The following KLC4 variants were observed in gnomAD, a reference collection of about 807,000 sequenced individuals.
KLC4 encodes kinesin-like protein 8.
In KLC4, 49 loss-of-function variants were observed where a neutral mutation model predicts 77.2. The ratio of observed to expected loss-of-function variants is 0.63; its 90% CI spans 0.50 to 0.80. The LOEUF (loss-of-function observed/expected upper bound fraction) is 0.80, where lower values mean the gene tolerates loss of function less well. Among genes scored for constraint, KLC4 ranks in the 30% least tolerant of loss-of-function variants. KLC4 has a pLI of 0.00. For synonymous variants in KLC4, 274 were observed against 314.5 expected (o/e 0.87, Z 1.36); for missense variants, 669 against 793.5 (o/e 0.84, Z 1.89).
chr6:43,059,852 T>G (rs371929554), intron 1 of KLC4, 167 bp downstream of exon 1: 3 of 1,187,522 alleles, frequency 2.5e-6, no homozygotes, highest in South Asian at 2.3e-5. Flanking sequence ...TCCAGACAGA[T>G]AGACAGACGA....
chr6:43,061,426 C>T lies in KLC4; in HGVS notation c.91C>T (p.Gln31Ter), dbSNP rs1421462761. The change falls in exon 2 of 16, where the codon CAA becomes TAA. Residue 31 changes from glutamine to a stop codon, truncating the protein, a stop_gained. Coordinates refer to ENST00000347162, the MANE Select transcript of KLC4 (RefSeq NM_201521.3). LOFTEE classifies it high-confidence loss of function. ...EILGSTRLVS[Q>*]GLEALRSEHQ... The stretch of plus-strand genomic sequence containing the variant: ...CCTGGGGAGCACACGGCTGGTCAGC[C>T]AAGGGCTAGAGGCCCTACGCAGTGA... The T allele has an allele frequency of 3.7e-6, 6 of 1,614,154 alleles. No individual in the cohort carries two copies. The East Asian group carries it at 1.1e-4, about 30-fold the overall frequency.
rs748810038 is a variant in KLC4, at chr6:43,072,879, G to A, written c.1544G>A (p.Gly515Asp). The part of the protein sequence containing the change: ...KVAELLGESD[G>D]RRTSQEGPGD... Reference sequence around the variant, plus strand: ...GCAGAGCTGCTTGGGGAGAGTGATGGTAGAAGGACCTCCCAGGAGGGCCCT... The same window carrying A: ...GCAGAGCTGCTTGGGGAGAGTGATGATAGAAGGACCTCCCAGGAGGGCCCT... Residue 515 changes from glycine (G) to aspartate (D), a missense_variant, in exon 13 of 16, where the codon GGT becomes GAT. Coordinates refer to ENST00000347162, the MANE Select transcript of KLC4 (RefSeq NM_201521.3). 6.2e-7 allele frequency: 1 copy of A among 1,613,564 alleles called. No homozygotes were observed. The highest frequency in any genetic ancestry group is 8.5e-7 in the Non-Finnish European group (1 of 1,179,722).
At chr6:43,069,325 A>G (rs745484138) in intron 6 of KLC4, among the ~76,000 whole-genome samples, 1 of 152,136 alleles carries the variant, frequency 6.6e-6, no homozygotes, top group African/African-American at 2.4e-5. Flanking sequence ...GTTCACTGTA[A>G]TCTCTGCCTC....
At position 43,070,694 on chromosome 6, in the gene KLC4, C is replaced by T. The variant is rs1254479866; in HGVS notation, c.984C>T (p.Val328=). The change falls in exon 8 of 16, where the codon GTC becomes GTT. Residue 328 remains valine, a splice_region_variant and synonymous_variant. Transcript: ENST00000347162. ...CQRALEIREK[V]LGTNHPDVAK... is the part of the protein sequence containing the mutation. ...TCCACTCCTTTGTTCCCTTTCAGGT[C>T]CTGGGCACGAATCATCCAGATGTGG... 1.2e-6 allele frequency: 2 copies of T among 1,611,158 alleles called. No individual in the cohort carries two copies. Among genetic ancestry groups the T allele is most frequent in the African/African-American group, 2.7e-5 (2 of 74,896 alleles).
Position 43,071,854 on chromosome 6 carries a change from C to T in KLC4, c.1311C>T (p.Ser437=). The change falls in exon 11 of 16, where the codon AGC becomes AGT. Residue 437 remains serine, a splice_region_variant and synonymous_variant. Transcript: ENST00000347162. ...TCTGGCCTCTCTCTGTCCTGCAGAG[C>T]CGGCACCATGAGGGTGGGACACCCT... ...HAEEREEMSK[S]RHHEGGTPYA... 1 of 1,611,936 alleles carries T rather than the reference C, an allele frequency of 6.2e-7. No homozygotes were observed. Among genetic ancestry groups the T allele is most frequent in the Non-Finnish European group, 8.5e-7 (1 of 1,179,550 alleles).
At chr6:43,065,753 C>T (rs1036566360) in intron 4 of KLC4, 52 bp downstream of exon 4, 1 of 1,335,324 alleles carries the variant, frequency 7.5e-7, no homozygotes, top group Non-Finnish European at 1.1e-6. Flanking sequence ...GGAGGCTGGC[C>T]CTAGCTGTGG....
intron 8 of KLC4, 74 bp downstream of exon 8, chr6:43,070,939 G>A (rs1029904814): frequency 7.5e-6 from 9 of 1,195,082 alleles, no homozygotes; most frequent in South Asian, 5.8e-5. Flanking sequence ...GGGGGCAGGC[G>A]GAGAGGCCAC....
chr6:43,074,755 C>A lies in KLC4; in HGVS notation c.*83C>A, dbSNP rs908452773. The A allele has an allele frequency of 6.0e-6, 7 of 1,170,516 alleles. No homozygotes were observed. The highest frequency in any genetic ancestry group is 7.7e-6 in the Non-Finnish European group (6 of 776,906). The allele number at this position is 1,170,516 out of a possible 1,614,324, so 72.5% of individuals were successfully genotyped here. A position where few individuals can be genotyped will look rare whatever the true frequency, so the allele number is the denominator to read the frequency against. ...TTCCCCATTGCTCCTGGCTCTTCCC[C>A]ACCCCTAGGTGGGACAGTGAAGGGG... On this transcript the variant is annotated 3_prime_UTR_variant, in exon 16 of 16. Transcript: ENST00000347162.
In KLC4 at chr6:43,061,323, C is replaced by G. The variant is rs1207813520; in HGVS notation, c.-13C>G. The G allele has an allele frequency of 6.2e-7, 1 of 1,612,452 alleles. No individual in the cohort carries two copies. Among genetic ancestry groups the G allele is most frequent in the Admixed American group, 1.7e-5 (1 of 59,986 alleles). ...TGTTTCTCCCTAGACCGGGCAAGGT[C>G]CCCCAGGCCAGGATGTCAGGCCTGG... On this transcript the variant is annotated 5_prime_UTR_variant, in exon 2 of 16. Coordinates refer to ENST00000347162, the MANE Select transcript of KLC4 (RefSeq NM_201521.3).
Position 43,070,860 on chromosome 6 carries a change from A to AACCTGGTATGGGAGGAGGGAC in KLC4, c.1152_1155+17dup, listed in dbSNP as rs1321545745. 1 of 1,449,128 alleles carries AACCTGGTATGGGAGGAGGGAC rather than the reference A, an allele frequency of 6.9e-7. No homozygotes were observed. The highest frequency in any genetic ancestry group is 1.1e-5 in the South Asian group (1 of 88,674). The allele number at this position is 1,449,128 out of a possible 1,614,324, so 89.8% of individuals were successfully genotyped here. A position where few individuals can be genotyped will look rare whatever the true frequency, so the allele number is the denominator to read the frequency against. On this transcript the variant is annotated inframe_insertion, in exon 8 of 16. Coordinates refer to ENST00000347162, the MANE Select transcript of KLC4 (RefSeq NM_201521.3). Reference sequence around the variant, plus strand: ...CCCTAATGTAGCCCGGACCAAGAACAACCTGGTATGGGAGGAGGGACAAAG... The same window carrying AACCTGGTATGGGAGGAGGGAC: ...CCCTAATGTAGCCCGGACCAAGAACAACCTGGTATGGGAGGAGGGACACCTGGTATGGGAGGAGGGACAAAG...
intron 5 of KLC4, 82 bp downstream of exon 5, chr6:43,066,607 T>C (rs993127068): frequency 3.2e-6 from 4 of 1,265,686 alleles, no homozygotes; most frequent in Non-Finnish European, 4.5e-6. Context: ...TTTTCCTCTT[T>C]ACAGGGTACC....
rs1765167282 is a variant in KLC4, at chr6:43,061,611, G to A, written c.258+18G>A. 1.3e-6 allele frequency: 2 copies of A among 1,599,844 alleles called. No individual in the cohort carries two copies. The highest frequency in any genetic ancestry group is 2.7e-5 in the African/African-American group (2 of 74,740). On this transcript the variant is annotated intron_variant, in intron 2 of 15. Transcript: ENST00000347162. ...AGGCCCAGGTGAGAGGGCAAAGGTG[G>A]TGCCAAGTGGTCCAGGGTGGATGGA...
rs747281688 is a variant in KLC4 at position 43,061,398 on chromosome 6, G to C, written c.63G>C (p.Glu21Asp). The C allele has an allele frequency of 6.2e-7, 1 of 1,614,056 alleles. No homozygotes were observed. The highest frequency in any genetic ancestry group is 8.5e-7 in the Non-Finnish European group (1 of 1,180,042). ...CAGGCCACCGGCTCAGCCAAGAGGAGATCCTGGGGAGCACACGGCTGGTCA... is the reference window on the plus strand; with the variant it reads ...CAGGCCACCGGCTCAGCCAAGAGGACATCCTGGGGAGCACACGGCTGGTCA... ...EPAGHRLSQEEILGSTRLVSQ... is the reference protein window; with the variant it reads ...EPAGHRLSQEDILGSTRLVSQ... The change falls in exon 2 of 16, where the codon GAG (glutamate) becomes GAC (aspartate). Residue 21 changes from glutamate (E) to aspartate (D), a missense_variant. Physicochemically the swap from Glu to Asp is conservative, Grantham distance 45 (BLOSUM62 2). Transcript: ENST00000347162.
intron 6 of KLC4, among the ~76,000 whole-genome samples, chr6:43,070,103 A>G (rs893501646): frequency 7.2e-6 from 1 of 139,636 alleles, no homozygotes; most frequent in African/African-American, 3.2e-5. Context: ...AACAAAAAAA[A>G]AAAAAAAAGA....
At chr6:43,065,540 T>A in intron 3 of KLC4, 80 bp from the exon 4 acceptor site, 1 of 926,894 alleles carries the variant, frequency 1.1e-6, no homozygotes, top group Non-Finnish European at 1.8e-6. Flanking sequence ...CTGTCTGTGA[T>A]TTCATGGCTT....
rs773896500 is a variant in KLC4 at position 43,070,486 on chromosome 6, G to A, written c.981+31G>A. ...CATGCCCTCTCTCCCTTCTTCTCTT[G>A]TCGCTGTGACCCTTCTCTACATGGC... On this transcript the variant is annotated intron_variant, in intron 7 of 15. Transcript: ENST00000347162. 7.0e-6 allele frequency: 11 copies of A among 1,561,304 alleles called. No individual in the cohort carries two copies. In the African/African-American group the frequency reaches 1.5e-4, roughly 21 times the overall value.
At chr6:43,062,597 T>C (rs1432849444) in intron 2 of KLC4, 1 of 350,080 alleles carries the variant, frequency 2.9e-6, no homozygotes, top group Non-Finnish European at 5.4e-6. Flanking sequence ...AGAAGAGGAG[T>C]GATGTGGTCT....
chr6:43,061,663 G>C, intron 2 of KLC4, 70 bp downstream of exon 2: 3 of 1,467,232 alleles, frequency 2.0e-6, no homozygotes, highest in Non-Finnish European at 2.8e-6. Flanking sequence ...TAAAGGTTTG[G>C]GGCTGCTTGG....
At chr6:43,059,850 G>A in intron 1 of KLC4, 165 bp downstream of exon 1, 1 of 1,191,328 alleles carries the variant, frequency 8.4e-7, no homozygotes, top group African/African-American at 1.6e-5. Flanking sequence ...CGTCCAGACA[G>A]ATAGACAGAC....
Sources: gnomAD v4.1 joint callset for allele counts (sites outside exome capture counted in the v4.1 genomes callset) on GRCh38, gnomAD v4.1.1 for gene constraint, MANE v1.5 for transcripts, NCBI Gene and HGNC (gene_info 2026-07-23, HGNC 2026-07-21) for gene names.